Variants in DCLK3 observed in about 807,000 individuals in gnomAD.
The protein encoded by DCLK3 is doublecortin like kinase 3.
DCLK3 carries 30 observed loss-of-function variants against 46.4 expected under a neutral mutation model. The observed-to-expected ratio is 0.65, with a 90% CI of 0.48 to 0.88. The LOEUF (loss-of-function observed/expected upper bound fraction) is 0.88, where lower values mean the gene tolerates loss of function less well. DCLK3 is among the 40% of genes least tolerant of loss of function. The probability of loss-of-function intolerance (pLI) is 0.00; values close to 1 mark genes in which losing one functional copy is unlikely to be tolerated. For synonymous variants in DCLK3, 401 were observed against 339.2 expected, an observed-to-expected ratio of 1.18 and a Z score of -2.00; for missense variants, 846 against 907.1, an observed-to-expected ratio of 0.93 and a Z score of 0.87.
chr3:36,723,233 G>A (rs1701083704), intron 2 of DCLK3, among the ~76,000 whole-genome samples: 1 of 152,184 alleles, frequency 6.6e-6, no homozygotes, highest in African/African-American at 2.4e-5. Flanking sequence ...TAGGATATCT[G>A]GTGGAAGAAA....
At chr3:36,734,543 A>G (rs55790434) in intron 2 of DCLK3, among the ~76,000 whole-genome samples, 1,876 of 152,278 alleles carry the variant, frequency 0.012, 27 homozygotes, top group African/African-American at 0.035. Context: ...GACTATATAC[A>G]TATATATGTA....
At chr3:36,751,996 C>T (rs1183923776) in intron 1 of DCLK3, among the ~76,000 whole-genome samples, 1 of 152,224 alleles carries the variant, frequency 6.6e-6, no homozygotes, top group East Asian at 1.9e-4. Flanking sequence ...TCTGTAGGGC[C>T]AGCACACTGT....
chr3:36,721,825 G>A (rs1701065420), intron 2 of DCLK3, among the ~76,000 whole-genome samples, 166 bp from the exon 3 acceptor site: 1 of 152,140 alleles, frequency 6.6e-6, no homozygotes, highest in Non-Finnish European at 1.5e-5. Context: ...AATGACAAGG[G>A]CTCACATTTT....
intron 4 of DCLK3, among the ~76,000 whole-genome samples, chr3:36,716,504 A>G (rs1432657295): frequency 6.6e-6 from 1 of 152,228 alleles, no homozygotes; most frequent in Non-Finnish European, 1.5e-5. Flanking sequence ...CAAATGACTC[A>G]GAGGCTGGAA....
intron 2 of DCLK3, among the ~76,000 whole-genome samples, chr3:36,722,635 T>C (rs1049315052): frequency 6.6e-6 from 1 of 152,204 alleles, no homozygotes; most frequent in African/African-American, 2.4e-5. Flanking sequence ...GTCTTTCCCA[T>C]GCTGTTCTCA....
rs957520122 is a variant in DCLK3, at chr3:36,738,977, G to C, written c.190C>G (p.Pro64Ala). ...LPASRGNLEK[P>A]FLGPRGPVVP... The stretch of plus-strand genomic sequence containing the variant: ...ACGGGGCCACGCGGCCCCAGGAATG[G>C]TTTCTCCAGATTCCCTCGGCTGGCA... Residue 64 changes from proline to alanine, a missense_variant, in exon 2 of 5, where the codon CCA (proline) becomes GCA (alanine). Pro to Ala is a conservative substitution (Grantham distance 27). This residue lies in a region of DCLK3 where 553 missense variants were observed against 543.0 expected (regional missense o/e 1.02). Coordinates refer to ENST00000636136, the MANE Select transcript of DCLK3 (RefSeq NM_001394672.2). The C allele has an allele frequency of 1.0e-5, 4 of 399,528 alleles. No homozygotes were observed. Among genetic ancestry groups the C allele is most frequent in the Non-Finnish European group, 1.8e-5 (4 of 226,478 alleles). The allele number at this position is 399,528 out of a possible 1,614,324, so 24.7% of individuals were successfully genotyped here.
chr3:36,717,893 T>G, intron 4 of DCLK3, 117 bp downstream of exon 4: 4 of 1,339,604 alleles, frequency 3.0e-6, no homozygotes, highest in Non-Finnish European at 4.1e-6. Flanking sequence ...AAGTAAAGGC[T>G]GAGACATGAC....
intron 2 of DCLK3, among the ~76,000 whole-genome samples, chr3:36,727,464 T>C (rs1215736825): frequency 1.3e-5 from 2 of 152,214 alleles, no homozygotes; most frequent in Non-Finnish European, 2.9e-5. Context: ...ACTCACACTT[T>C]ACTTTGAAAA....
chr3:36,734,202 C>G (rs967185233), intron 2 of DCLK3, among the ~76,000 whole-genome samples: 1 of 152,170 alleles, frequency 6.6e-6, no homozygotes, highest in African/African-American at 2.4e-5. Context: ...TTAGAGATAA[C>G]ACCTTGCTAA....
At chr3:36,731,814 C>T (rs1701202948) in intron 2 of DCLK3, among the ~76,000 whole-genome samples, 1 of 152,118 alleles carries the variant, frequency 6.6e-6, no homozygotes, top group South Asian at 2.1e-4. Context: ...TTTCTCCCTC[C>T]CCTCACATAA....
chr3:36,748,803 C>T (rs1701414940), intron 1 of DCLK3, among the ~76,000 whole-genome samples: 1 of 152,138 alleles, frequency 6.6e-6, no homozygotes, highest in Non-Finnish European at 1.5e-5. Flanking sequence ...TGCCTTTGGG[C>T]TTTTCTTTTC....
chr3:36,729,251 G>GA (rs201427572), intron 2 of DCLK3, among the ~76,000 whole-genome samples: 3 of 105,670 alleles, frequency 2.8e-5, no homozygotes, highest in African/African-American at 3.4e-5. Flanking sequence ...GTGTGTGTGG[G>GA]GGGGGGGGGT....
At chr3:36,748,353 G>A (rs1022641707) in intron 1 of DCLK3, among the ~76,000 whole-genome samples, 1 of 152,184 alleles carries the variant, frequency 6.6e-6, no homozygotes, top group Non-Finnish European at 1.5e-5. Context: ...GGTTGAGTGA[G>A]AATGCTGAAG....
At chr3:36,731,914 G>C (rs1448294129) in intron 2 of DCLK3, among the ~76,000 whole-genome samples, 2 of 152,196 alleles carry the variant, frequency 1.3e-5, no homozygotes, top group African/African-American at 4.8e-5. Flanking sequence ...TCAGAAACTT[G>C]AGATTTACTA....
At chr3:36,718,428 T>C (rs1043269494) in intron 3 of DCLK3, among the ~76,000 whole-genome samples, 4 of 152,190 alleles carry the variant, frequency 2.6e-5, no homozygotes, top group African/African-American at 9.7e-5. Flanking sequence ...TGGTCTGTAA[T>C]AGAATGAGCA....
chr3:36,726,423 A>G (rs1701126122), intron 2 of DCLK3, among the ~76,000 whole-genome samples: 1 of 152,034 alleles, frequency 6.6e-6, no homozygotes, highest in Non-Finnish European at 1.5e-5. Context: ...AGGAGAAATT[A>G]TCAACTTGTC....
intron 1 of DCLK3, among the ~76,000 whole-genome samples, chr3:36,751,581 A>G (rs770043696): frequency 9.9e-5 from 15 of 152,260 alleles, no homozygotes; most frequent in Non-Finnish European, 2.2e-4. Context: ...AAAGCATCAG[A>G]CACAAATGTT....
At position 36,738,300 on chromosome 3, in the gene DCLK3, C is replaced by G. The variant is rs759089290; in HGVS notation, c.867G>C (p.Arg289Ser). 2.0e-5 allele frequency: 31 copies of G among 1,515,802 alleles called. No homozygotes were observed. Among genetic ancestry groups the G allele is most frequent in the Non-Finnish European group, 2.6e-5 (30 of 1,134,540 alleles). 93.9% of individuals were successfully genotyped at this position (1,515,802 alleles called of 1,614,324 possible). The change falls in exon 2 of 5, where the codon AGG (arginine) becomes AGC (serine). Residue 289 changes from arginine to serine, a missense_variant. This residue lies in a region of DCLK3 where 553 missense variants were observed against 543.0 expected (regional missense o/e 1.02). Transcript: ENST00000636136. Reference protein sequence around the residue: ...REATLEERHARGEKHLGVEIE... With the variant: ...REATLEERHASGEKHLGVEIE... ...TCTCCACCCCAAGATGCTTCTCTCCCCTTGCGTGCCTCTCTTCCAGAGTGG... is the reference window on the plus strand; with the variant it reads ...TCTCCACCCCAAGATGCTTCTCTCCGCTTGCGTGCCTCTCTTCCAGAGTGG...
chr3:36,748,003 G>C (rs1162245500), intron 1 of DCLK3, among the ~76,000 whole-genome samples: 1 of 152,204 alleles, frequency 6.6e-6, no homozygotes, highest in Non-Finnish European at 1.5e-5. Flanking sequence ...AGCCCTCAGT[G>C]GGGGTGAGGG....
Sources: gnomAD v4.1 joint callset for allele counts (sites outside exome capture counted in the v4.1 genomes callset) on GRCh38, gnomAD v4.1.1 for gene constraint, gnomAD v4.1.1 regional missense constraint, MANE v1.5 for transcripts, NCBI Gene and HGNC (gene_info 2026-07-23, HGNC 2026-07-21) for gene names.